Variants in CELF2 observed in about 807,000 individuals in gnomAD.
CELF2 encodes CUGBP Elav-like family member 2, also known as CUG triplet repeat RNA-binding protein 2.
A neutral mutation model predicts 62.6 loss-of-function variants in CELF2; 8 were observed. The ratio of observed to expected loss-of-function variants is 0.13; its 90% CI spans 0.07 to 0.23. CELF2 has a LOEUF of 0.23. Among genes scored for constraint, CELF2 ranks in the 10% least tolerant of loss-of-function variants. CELF2 has a pLI of 1.00. For missense variants in CELF2, 333 were observed against 671.0 expected (o/e 0.50, Z 5.56); for synonymous variants, 258 against 250.0 (o/e 1.03, Z -0.30).
At chr10:10,571,693 G>C in the CELF2 span, among the ~76,000 whole-genome samples, 1 of 152,262 alleles carries the variant, frequency 6.6e-6, no homozygotes, top group Non-Finnish European at 1.5e-5. Context: ...AGGAAAGATT[G>C]CTATCAGGAT....
intron 1 of CELF2, among the ~76,000 whole-genome samples, chr10:11,152,372 G>A (rs900478975): frequency 6.6e-6 from 1 of 152,078 alleles, no homozygotes; most frequent in Non-Finnish European, 1.5e-5. Flanking sequence ...TCTGAACACA[G>A]TGCATGACAC....
chr10:10,561,507 G>A, the CELF2 span, among the ~76,000 whole-genome samples: 2 of 152,214 alleles, frequency 1.3e-5, no homozygotes, highest in African/African-American at 4.8e-5. Context: ...TTAGTCCTGA[G>A]TGATCTTCAA....
At chr10:10,749,090 A>G in the CELF2 span, among the ~76,000 whole-genome samples, 1 of 152,226 alleles carries the variant, frequency 6.6e-6, no homozygotes, top group Non-Finnish European at 1.5e-5. Flanking sequence ...AGTTCACTGT[A>G]TGAATGTGTT....
At chr10:11,139,909 T>G (rs1237311787) in intron 1 of CELF2, among the ~76,000 whole-genome samples, 1 of 151,956 alleles carries the variant, frequency 6.6e-6, no homozygotes, top group African/African-American at 2.4e-5. Flanking sequence ...TCTGCCTCTC[T>G]CATCGGCTCA....
At chr10:11,299,665 G>T (rs2093531333) in intron 9 of CELF2, among the ~76,000 whole-genome samples, 1 of 152,168 alleles carries the variant, frequency 6.6e-6, no homozygotes. Flanking sequence ...AGGGTCAGTG[G>T]TTTGCCCGGG....
At chr10:11,239,905 T>C (rs1252161307) in intron 3 of CELF2, among the ~76,000 whole-genome samples, 1 of 152,036 alleles carries the variant, frequency 6.6e-6, no homozygotes, top group Non-Finnish European at 1.5e-5. Context: ...ATACAAAAAA[T>C]TAGCCAGGCC....
the CELF2 span, among the ~76,000 whole-genome samples, chr10:10,585,065 T>C: frequency 6.6e-6 from 1 of 152,172 alleles, no homozygotes; most frequent in Non-Finnish European, 1.5e-5. Flanking sequence ...GGAGGTCATC[T>C]AGTAAAATAG....
intron 4 of CELF2, among the ~76,000 whole-genome samples, chr10:11,256,295 C>A (rs767498050): frequency 6.6e-5 from 10 of 152,216 alleles, no homozygotes; most frequent in Non-Finnish European, 1.0e-4. Context: ...CACCTGTTAC[C>A]AGTACACCTG....
chr10:10,950,289 G>A (rs12416626), intron 2 of CELF2, among the ~76,000 whole-genome samples: 11,118 of 152,010 alleles, frequency 0.073, 592 homozygotes, highest in Middle Eastern at 0.11. Flanking sequence ...GTCTGAGGAC[G>A]GGAGGTGCAG....
At chr10:11,057,840 G>A (rs1299845484) in intron 1 of CELF2, among the ~76,000 whole-genome samples, 1 of 152,094 alleles carries the variant, frequency 6.6e-6, no homozygotes, top group Non-Finnish European at 1.5e-5. Flanking sequence ...TTAAGATACT[G>A]CATCCAACAA....
the CELF2 span, among the ~76,000 whole-genome samples, chr10:10,509,111 T>C: frequency 6.6e-6 from 1 of 152,192 alleles, no homozygotes; most frequent in Non-Finnish European, 1.5e-5. Context: ...AATCTAGGAT[T>C]GGAGGTTCTG....
chr10:11,279,153 C>T (rs1419336063), intron 8 of CELF2, among the ~76,000 whole-genome samples: 6 of 152,108 alleles, frequency 3.9e-5, no homozygotes. Flanking sequence ...TAAACCAGTT[C>T]CAGAGGTTCT....
the CELF2 span, among the ~76,000 whole-genome samples, chr10:10,665,962 G>A: frequency 3.3e-4 from 50 of 152,278 alleles, no homozygotes; most frequent in African/African-American, 1.2e-3. Context: ...TTCACCCACC[G>A]TGCCAAGGCC....
At chr10:10,523,158 C>G in the CELF2 span, among the ~76,000 whole-genome samples, 1 of 152,166 alleles carries the variant, frequency 6.6e-6, no homozygotes, top group Admixed American at 6.5e-5. Flanking sequence ...TACAGATCAA[C>G]CTACCAGATT....
chr10:11,181,137 T>A (rs2073235570), intron 2 of CELF2, among the ~76,000 whole-genome samples: 1 of 152,224 alleles, frequency 6.6e-6, no homozygotes, highest in Non-Finnish European at 1.5e-5. Flanking sequence ...CCCAAAGTGC[T>A]GGGATTACAG....
the CELF2 span, among the ~76,000 whole-genome samples, chr10:10,728,483 A>G: frequency 4.2e-4 from 63 of 151,258 alleles, no homozygotes; most frequent in South Asian, 4.8e-3. Flanking sequence ...AAGAGAGAGA[A>G]AAAAATGCAA....
Position 10,938,595 on chromosome 10 carries a change from A to G in CELF2, c.89+18596A>G, listed in dbSNP as rs2046674110. ...TTCTGCTATTTGAATTACTTGGGGG[A>G]AAACAGGAGTTGTATGACAATTTGG... is the stretch of plus-strand genomic sequence containing the variant. On this transcript the variant is annotated intron_variant, in intron 2 of 13. Coordinates refer to the CELF2 transcript ENST00000636488. The surrounding 1 kb of genome is among the most constrained non-coding windows in gnomAD (Gnocchi z 4.2). 6.6e-6 allele frequency among the ~76,000 whole-genome samples: 1 copy of G among 152,222 alleles called. No individual in the cohort carries two copies. Among genetic ancestry groups the G allele is most frequent in the South Asian group, 2.1e-4 (1 of 4,832 alleles).
chr10:10,956,107 G>A (rs748879606), intron 2 of CELF2, among the ~76,000 whole-genome samples: 5 of 152,180 alleles, frequency 3.3e-5, no homozygotes, highest in Non-Finnish European at 7.3e-5. Flanking sequence ...ATATGGATGG[G>A]TCTGTTTACA....
the CELF2 span, among the ~76,000 whole-genome samples, chr10:10,475,012 G>A: frequency 0.011 from 1,682 of 152,192 alleles, 31 homozygotes; most frequent in African/African-American, 0.039. Flanking sequence ...AAGATGGAGA[G>A]CAGGTAGACT....
Sources: gnomAD v4.1 joint callset for allele counts (sites outside exome capture counted in the v4.1 genomes callset) on GRCh38, gnomAD v4.1.1 for gene constraint, Gnocchi (gnomAD v3.1) non-coding constraint, MANE v1.5 for transcripts, NCBI Gene and HGNC (gene_info 2026-07-23, HGNC 2026-07-21) for gene names.